OGG1: variants seen among roughly 807,000 people sequenced by gnomAD.
OGG1 encodes the protein 8-oxoguanine DNA glycosylase, also known as N-glycosylase/DNA lyase.
A neutral mutation model predicts 42.3 loss-of-function variants in OGG1; 35 were observed. The ratio of observed to expected loss-of-function variants is 0.83; its 90% confidence interval spans 0.63 to 1.10. The LOEUF (loss-of-function observed/expected upper bound fraction) is 1.10. OGG1 is among the 50% of genes least tolerant of loss of function. OGG1 has a pLI of 0.00. For missense variants in OGG1, 484 were observed against 446.7 expected (o/e 1.08, Z -0.75); for synonymous variants, 189 against 179.0 (o/e 1.06, Z -0.44).
At chr3:9,789,936 C>G, downstream of OGG1, 1 of 1,604,732 alleles carries the variant, frequency 6.2e-7, no homozygotes, top group Non-Finnish European at 8.5e-7. Context: ...CGTCTGTCAC[C>G]TTTCTTATCC....
chr3:9,752,652 G>C (rs1283447115), intron 3 of OGG1, among the ~76,000 whole-genome samples: 1 of 152,156 alleles, frequency 6.6e-6, no homozygotes. Flanking sequence ...ACAGAGGCAA[G>C]TGTATCGATT....
intron 2 of OGG1, among the ~76,000 whole-genome samples, chr3:9,773,488 C>T (rs1191390888): frequency 6.6e-6 from 1 of 151,804 alleles, no homozygotes; most frequent in African/African-American, 2.4e-5. Context: ...TTGCAGTGAG[C>T]AGAGACCACG....
chr3:9,770,209 T>G (rs1452795019), downstream of OGG1, among the ~76,000 whole-genome samples: 2 of 151,982 alleles, frequency 1.3e-5, no homozygotes, highest in Admixed American at 1.3e-4. Flanking sequence ...CAGCGGGTGG[T>G]CGGAAGCAAA....
At chr3:9,780,573 G>T in intron 2 of OGG1, 3 of 1,587,208 alleles carry the variant, frequency 1.9e-6, no homozygotes, top group South Asian at 1.1e-5. Flanking sequence ...CCAGCCAGGT[G>T]CCAGGGTCAG....
Position 9,751,182 on chromosome 3 carries a change from G to C in OGG1, c.375G>C (p.Gln125His), listed in dbSNP as rs774087129. 6.2e-7 allele frequency: 1 copy of C among 1,613,982 alleles called. No homozygotes were observed. Among genetic ancestry groups the C allele is most frequent in the Non-Finnish European group, 8.5e-7 (1 of 1,179,964 alleles). ...ACTCCCACTTCCAAGAGGTGGCTCAGAAATTCCAAGGTGAGTACAGGACCT... is the reference window on the plus strand; with the variant it reads ...ACTCCCACTTCCAAGAGGTGGCTCACAAATTCCAAGGTGAGTACAGGACCT... ...SVDSHFQEVAQKFQGVRLLRQ... is the reference protein window; with the variant it reads ...SVDSHFQEVAHKFQGVRLLRQ... The change falls in exon 2 of 7, where the codon CAG (glutamine) becomes CAC (histidine). Residue 125 changes from glutamine to histidine, a missense_variant. Gln to His is a conservative substitution (Grantham distance 24). Coordinates refer to ENST00000344629, the MANE Select transcript of OGG1 (RefSeq NM_002542.6).
At position 9,756,605 on chromosome 3, in the gene OGG1, G is replaced by A. The variant is rs778530888; in HGVS notation, c.882G>A (p.Gln294=). 6.2e-7 allele frequency: 1 copy of A among 1,613,740 alleles called. No individual in the cohort carries two copies. Among genetic ancestry groups the A allele is most frequent in the African/African-American group, 1.3e-5 (1 of 74,936 alleles). Reference sequence around the variant, plus strand: ...CCCAGGCGAAGGGACCGAGCCCCCAGACCAACAAGGAACTGGGTGAGGAAA... The same window carrying A: ...CCCAGGCGAAGGGACCGAGCCCCCAAACCAACAAGGAACTGGGTGAGGAAA... ...TTSQAKGPSP[Q]TNKELGNFFR... is the part of the protein sequence containing the mutation. Residue 294 remains glutamine (Q), a synonymous_variant, in exon 5 of 7, where the codon CAG becomes CAA. Coordinates refer to ENST00000344629, the MANE Select transcript of OGG1 (RefSeq NM_002542.6).
In OGG1 at chr3:9,751,869, T is replaced by G. The variant is rs778610273; in HGVS notation, c.485T>G (p.Leu162Arg). The change falls in exon 3 of 7, where the codon CTG (leucine) becomes CGG (arginine). Residue 162 changes from leucine (L) to arginine (R), a missense_variant. Coordinates refer to ENST00000344629, the MANE Select transcript of OGG1 (RefSeq NM_002542.6). ...IARITGMVERLCQAFGPRLIQ... is the reference protein window; with the variant it reads ...IARITGMVERRCQAFGPRLIQ... ...CGCATCACTGGCATGGTGGAGCGGC[T>G]GTGCCAGGCTTTTGGACCTCGGCTC... 2 of 1,614,080 alleles carry G rather than the reference T, an allele frequency of 1.2e-6. No homozygotes were observed. Among genetic ancestry groups the G allele is most frequent in the East Asian group, 4.5e-5 (2 of 44,904 alleles).
intron 3 of OGG1, chr3:9,787,124 G>C: frequency 6.2e-7 from 1 of 1,614,212 alleles, no homozygotes; most frequent in Non-Finnish European, 8.5e-7. Flanking sequence ...GCGGGCACAG[G>C]AAAGGAGGGG....
downstream of OGG1, chr3:9,767,707 C>T (rs377569441): frequency 3.7e-6 from 6 of 1,614,052 alleles, no homozygotes; most frequent in African/African-American, 8.0e-5. Context: ...TCTCTAATGT[C>T]CTCCGCCTGC....
At chr3:9,777,268 G>A (rs2078377544) in intron 2 of OGG1, among the ~76,000 whole-genome samples, 1 of 152,226 alleles carries the variant, frequency 6.6e-6, no homozygotes. Flanking sequence ...TAAGGAATCA[G>A]AATTGTTTTG....
chr3:9,790,099 T>C (rs1377172728), downstream of OGG1: 1 of 1,126,232 alleles, frequency 8.9e-7, no homozygotes, highest in African/African-American at 1.6e-5. Context: ...CCTAGTAAAC[T>C]CTTACTCATC....
intron 2 of OGG1, among the ~76,000 whole-genome samples, chr3:9,779,204 G>C (rs1243754477): frequency 1.3e-5 from 2 of 152,076 alleles, no homozygotes; most frequent in Non-Finnish European, 2.9e-5. Context: ...CACCTTGATG[G>C]AGTAGCAAAC....
At chr3:9,776,953 T>C (rs764824733) in intron 2 of OGG1, among the ~76,000 whole-genome samples, 3 of 152,188 alleles carry the variant, frequency 2.0e-5, no homozygotes, top group Non-Finnish European at 4.4e-5. Flanking sequence ...GTTCTTTCCA[T>C]TGAGTCCTGA....
At chr3:9,780,892 A>G (rs1032993166) in intron 2 of OGG1, among the ~76,000 whole-genome samples, 1 of 152,162 alleles carries the variant, frequency 6.6e-6, no homozygotes, top group African/African-American at 2.4e-5. Context: ...CAGTCCCAGC[A>G]CTTTGGGAGC....
downstream of OGG1, among the ~76,000 whole-genome samples, chr3:9,788,721 G>A (rs2078673736): frequency 6.6e-6 from 1 of 151,848 alleles, no homozygotes; most frequent in Non-Finnish European, 1.5e-5. Flanking sequence ...TGTATTTTTA[G>A]TAGAGACGGC....
chr3:9,755,859 G>C (rs1675130273), intron 4 of OGG1, among the ~76,000 whole-genome samples: 1 of 151,962 alleles, frequency 6.6e-6, no homozygotes, highest in South Asian at 2.1e-4. Context: ...TTAAATCTTG[G>C]TTCTGCCTAT....
At chr3:9,790,056 G>A (rs79274829), downstream of OGG1, 3,855 of 1,430,824 alleles carry the variant, frequency 2.7e-3, 79 homozygotes, top group African/African-American at 0.048. Context: ...AGAATCTACA[G>A]AGGCTCCTGG....
chr3:9,770,797 GGC>G (rs1171213425), downstream of OGG1, among the ~76,000 whole-genome samples: 2 of 151,878 alleles, frequency 1.3e-5, no homozygotes, highest in African/African-American at 4.8e-5. Flanking sequence ...GGAAAGAGGG[GGC>G]GGGGGGAGCA....
intron 7 of OGG1, chr3:9,762,470 G>A (rs1452264465): frequency 3.1e-5 from 5 of 159,374 alleles, no homozygotes; most frequent in Middle Eastern, 3.2e-3. Context: ...TCTGCCTCCC[G>A]GGTCCAAGTG....
Sources: allele counts gnomAD v4.1 joint callset (sites outside exome capture counted in the v4.1 genomes callset), GRCh38; gene constraint gnomAD v4.1.1; transcripts MANE v1.5; gene names NCBI Gene and HGNC (gene_info 2026-07-23, HGNC 2026-07-21).